NOL4: variants seen among roughly 807,000 people sequenced by gnomAD.
The protein encoded by NOL4 is cancer/testis antigen 125.
NOL4 carries 17 observed loss-of-function variants against 75.9 expected under a neutral mutation model. The ratio of observed to expected loss-of-function variants is 0.22; its 90% CI spans 0.15 to 0.34. The LOEUF (loss-of-function observed/expected upper bound fraction) is 0.34, where lower values mean the gene tolerates loss of function less well. Among genes scored for constraint, NOL4 ranks in the 10% least tolerant of loss-of-function variants. The pLI, the probability that NOL4 is intolerant of heterozygous loss-of-function variation, is 1.00. For synonymous variants in NOL4, 292 were observed against 289.9 expected (o/e 1.01, Z -0.07); for missense variants, 614 against 793.5 (o/e 0.77, Z 2.72).
intron 1 of NOL4, among the ~76,000 whole-genome samples, chr18:34,218,210 G>A (rs768887125): frequency 7.2e-5 from 11 of 151,934 alleles, no homozygotes; most frequent in Admixed American, 5.2e-4. Flanking sequence ...AAGTTCTCCT[G>A]CCATATGCCT....
At chr18:33,928,844 G>T (rs1296186907) in intron 9 of NOL4, among the ~76,000 whole-genome samples, 1 of 151,542 alleles carries the variant, frequency 6.6e-6, no homozygotes, top group African/African-American at 2.4e-5. Context: ...TTCTTAATTA[G>T]CTGAGCTAAT....
chr18:34,222,857 G>A, intron 1 of NOL4, 133 bp downstream of exon 1: 1 of 1,181,038 alleles, frequency 8.5e-7, no homozygotes, highest in Non-Finnish European at 1.2e-6. Context: ...GACTTGGGGA[G>A]GGGGTTGAGG....
intron 4 of NOL4, among the ~76,000 whole-genome samples, chr18:34,094,255 G>A (rs1375030715): frequency 6.6e-6 from 1 of 151,656 alleles, no homozygotes; most frequent in Non-Finnish European, 1.5e-5. Context: ...ATGCAGAAAG[G>A]GCTTTATAAA....
At chr18:33,891,005 C>T (rs541579273) in intron 9 of NOL4, among the ~76,000 whole-genome samples, 1 of 151,856 alleles carries the variant, frequency 6.6e-6, no homozygotes, top group South Asian at 2.1e-4. Flanking sequence ...AGTGAAAAAT[C>T]TCCCATCTTG....
At chr18:33,952,030 A>G (rs550300686) in intron 8 of NOL4, among the ~76,000 whole-genome samples, 2 of 152,258 alleles carry the variant, frequency 1.3e-5, no homozygotes, top group African/African-American at 4.8e-5. Flanking sequence ...AATTTTGGCT[A>G]AGAGTTTCCT....
Position 33,976,677 on chromosome 18 carries a change from T to C in NOL4, c.1057-18259A>G, listed in dbSNP as rs529166727. 5.3e-5 allele frequency among the ~76,000 whole-genome samples: 8 copies of C among 152,314 alleles called. No homozygotes were observed. In the East Asian group the frequency reaches 1.5e-3, roughly 29 times the overall value. ...TACTGTTAATGAATTTCTGTAAGTC[T>C]GATTTTACTATACTGTTATCTCATA... On this transcript the variant is annotated intron_variant, in intron 6 of 10. Coordinates refer to ENST00000261592, the MANE Select transcript of NOL4 (RefSeq NM_003787.5).
chr18:34,039,564 C>T (rs535157162), intron 5 of NOL4, among the ~76,000 whole-genome samples: 1 of 152,038 alleles, frequency 6.6e-6, no homozygotes, highest in South Asian at 2.1e-4. Context: ...TCAGCAAAAC[C>T]CTTGCCACAA....
intron 6 of NOL4, among the ~76,000 whole-genome samples, chr18:34,002,657 T>C (rs1201871109): frequency 6.6e-6 from 1 of 152,112 alleles, no homozygotes; most frequent in Non-Finnish European, 1.5e-5. Context: ...CAGGAGAGGC[T>C]TAATAAATAC....
intron 1 of NOL4, among the ~76,000 whole-genome samples, chr18:34,133,301 A>G (rs1458049907): frequency 6.6e-6 from 1 of 151,158 alleles, no homozygotes; most frequent in African/African-American, 2.4e-5. Context: ...AGTGAAATAC[A>G]CTATCCCAGA....
rs971831008 is a variant in NOL4, at chr18:34,119,865, A to G, written c.414+10006T>C. On this transcript the variant is annotated intron_variant, in intron 2 of 10. Transcript: ENST00000261592. ...TCTGGATCTCCTGACCTCGTGATCCACCCGCCTCGGCCTCCCAAAGTGCTG... is the reference window on the plus strand; with the variant it reads ...TCTGGATCTCCTGACCTCGTGATCCGCCCGCCTCGGCCTCCCAAAGTGCTG... Among the ~76,000 whole-genome samples the G allele has an allele frequency of 2.0e-5, 3 of 151,826 alleles. No individual in the cohort carries two copies. In the East Asian group the frequency reaches 5.8e-4, roughly 29 times the overall value.
intron 5 of NOL4, among the ~76,000 whole-genome samples, chr18:34,041,641 ACTT>A (rs1197480737): frequency 1.3e-5 from 2 of 151,854 alleles, no homozygotes; most frequent in African/African-American, 2.4e-5. Context: ...AAATTTCTAA[ACTT>A]CTTTCAAAGC....
At chr18:34,160,815 T>A (rs907428359) in intron 1 of NOL4, among the ~76,000 whole-genome samples, 1 of 152,198 alleles carries the variant, frequency 6.6e-6, no homozygotes, top group African/African-American at 2.4e-5. Flanking sequence ...TATTTCTTTG[T>A]TCTGGGAACA....
intron 5 of NOL4, among the ~76,000 whole-genome samples, chr18:34,075,517 ATC>A (rs2077706361): frequency 2.0e-5 from 3 of 152,162 alleles, no homozygotes; most frequent in Non-Finnish European, 4.4e-5. Flanking sequence ...CACTTGTGGC[ATC>A]ATGTTGGCAC....
At chr18:33,956,395 T>C (rs2069650007) in intron 8 of NOL4, among the ~76,000 whole-genome samples, 1 of 152,160 alleles carries the variant, frequency 6.6e-6, no homozygotes, top group Admixed American at 6.5e-5. Flanking sequence ...TTTGAGATAA[T>C]TGGTACAGAC....
intron 9 of NOL4, among the ~76,000 whole-genome samples, chr18:33,885,068 T>C (rs1254085090): frequency 6.6e-6 from 1 of 151,846 alleles, no homozygotes; most frequent in African/African-American, 2.4e-5. Flanking sequence ...CAAATTGAAG[T>C]AAAAATAAGA....
chr18:34,057,740 GC>G (rs2145075671), intron 5 of NOL4, among the ~76,000 whole-genome samples: 1 of 152,300 alleles, frequency 6.6e-6, no homozygotes, highest in South Asian at 2.1e-4. Flanking sequence ...TAAGAATCAT[GC>G]CTTATACATC....
At chr18:33,904,597 C>T (rs1273229511) in intron 9 of NOL4, among the ~76,000 whole-genome samples, 1 of 152,138 alleles carries the variant, frequency 6.6e-6, no homozygotes, top group African/African-American at 2.4e-5. Context: ...CCATGACAGG[C>T]AAGTGTTAAG....
chr18:33,947,644 T>G (rs1181426755), intron 8 of NOL4, among the ~76,000 whole-genome samples: 1 of 151,852 alleles, frequency 6.6e-6, no homozygotes, highest in African/African-American at 2.4e-5. Flanking sequence ...CTTCAAATGA[T>G]CTACACCTGG....
intron 4 of NOL4, among the ~76,000 whole-genome samples, chr18:34,099,290 G>C (rs1418587051): frequency 1.4e-5 from 2 of 147,316 alleles, no homozygotes; most frequent in East Asian, 4.0e-4. Flanking sequence ...TTGAACCCTT[G>C]AGGCGGAGGT....
Sources: allele counts gnomAD v4.1 joint callset (sites outside exome capture counted in the v4.1 genomes callset), GRCh38; gene constraint gnomAD v4.1.1; transcripts MANE v1.5; gene names NCBI Gene and HGNC (gene_info 2026-07-23, HGNC 2026-07-21).